The following IGFBP5 variants were observed in gnomAD, a reference collection of about 807,000 sequenced individuals.
IGFBP5 encodes the protein insulin like growth factor binding protein 5.
IGFBP5 carries 12 observed loss-of-function variants against 28.0 expected under a neutral mutation model. That is an observed-to-expected ratio of 0.43 (90% CI 0.27 to 0.69). The LOEUF (loss-of-function observed/expected upper bound fraction) is 0.69. Among genes scored for constraint, IGFBP5 ranks in the 30% least tolerant of loss-of-function variants. IGFBP5 has a pLI of 0.20. For missense variants in IGFBP5, 344 were observed against 381.6 expected, an observed-to-expected ratio of 0.90 and a Z score of 0.82; for synonymous variants, 152 against 150.2, an observed-to-expected ratio of 1.01 and a Z score of -0.09.
rs11575191 is a variant in IGFBP5 at position 216,679,806 on chromosome 2, C to T, written c.338-727G>A. 4.6e-5 allele frequency among the ~76,000 whole-genome samples: 7 copies of T among 152,022 alleles called. No individual in the cohort carries two copies. The highest frequency in any genetic ancestry group is 1.9e-4 in the East Asian group (1 of 5,166). On this transcript the variant is annotated intron_variant, in intron 1 of 3. Coordinates refer to ENST00000233813, the MANE Select transcript of IGFBP5 (RefSeq NM_000599.4). The surrounding 1 kb of genome is among the most constrained non-coding windows in gnomAD (Gnocchi z 4.6). ...CTCCTGCTCTGGCTCAGAACTGGCG[C>T]GGTGCTCGGGGGCCTGGGAGGCTGG... is the stretch of plus-strand genomic sequence containing the variant.
intron 1 of IGFBP5, among the ~76,000 whole-genome samples, chr2:216,686,997 T>C (rs1028902126): frequency 4.6e-5 from 7 of 152,178 alleles, no homozygotes; most frequent in African/African-American, 7.2e-5. Context: ...GCATGCTAAT[T>C]CACTCTCAGA....
rs1040449822 is a variant in IGFBP5 at position 216,673,075 on chromosome 2, C to T, written c.*3676G>A. The T allele has an allele frequency of 5.2e-5, 8 of 152,514 alleles. No individual in the cohort carries two copies. The highest frequency in any genetic ancestry group is 1.4e-4 in the African/African-American group (6 of 41,466). 9.4% of individuals were successfully genotyped at this position (152,514 alleles called of 1,614,324 possible). A position where few individuals can be genotyped will look rare whatever the true frequency, so the allele number is the denominator to read the frequency against. On this transcript the variant is annotated 3_prime_UTR_variant, in exon 4 of 4. Transcript: ENST00000233813. This position sits in a 1 kb window ranked among gnomAD's most constrained non-coding sequence, Gnocchi z 4.3. The stretch of plus-strand genomic sequence containing the variant: ...TCCTTAGAGCTCTTCTCTGAGGTTC[C>T]CATTCTGGGCCGGAGCCCTCTCAGG...
At chr2:216,689,431 T>C (rs925227097) in intron 1 of IGFBP5, among the ~76,000 whole-genome samples, 2 of 152,128 alleles carry the variant, frequency 1.3e-5, no homozygotes, top group East Asian at 3.9e-4. Context: ...AATAAGAGAG[T>C]GTGGCCCTCT....
At chr2:216,686,649 G>T (rs566148789) in intron 1 of IGFBP5, among the ~76,000 whole-genome samples, 97 of 146,564 alleles carry the variant, frequency 6.6e-4, no homozygotes, top group African/African-American at 2.4e-3. Context: ...CCTTGGTACA[G>T]ATTTACTTTG....
At position 216,676,470 on chromosome 2, in the gene IGFBP5, G is replaced by A. The variant is rs534378733; in HGVS notation, c.*281C>T. ...CACTTCCTTCCCTTCTCTTCCTCTC[G>A]TTCTTCCTCTCTTCCCTTCTCTGTT... On this transcript the variant is annotated 3_prime_UTR_variant, in exon 4 of 4. Transcript: ENST00000233813. 10 of 220,682 alleles carry A rather than the reference G, an allele frequency of 4.5e-5. No individual in the cohort carries two copies. Among genetic ancestry groups the A allele is most frequent in the Admixed American group, 1.2e-4 (2 of 17,076 alleles). The allele number at this position is 220,682 out of a possible 1,614,324, so 13.7% of individuals were successfully genotyped here.
At position 216,686,986 on chromosome 2, in the gene IGFBP5, T is replaced by C. The variant is rs149031056; in HGVS notation, c.337+7453A>G. ...ATATTCTGAGGATTAATCAGGGTGA[T>C]GCATGCTAATTCACTCTCAGAACAG... On this transcript the variant is annotated intron_variant, in intron 1 of 3. Transcript: ENST00000233813. Among the ~76,000 whole-genome samples the C allele has an allele frequency of 3.0e-3, 452 of 152,304 alleles. 1 individual carries two copies. Among genetic ancestry groups the C allele is most frequent in the Non-Finnish European group, 4.4e-3 (301 of 68,036 alleles).
Position 216,692,542 on chromosome 2 carries a change from T to G in IGFBP5, c.337+1897A>C, listed in dbSNP as rs1472496935. Among the ~76,000 whole-genome samples, 1 of 152,122 alleles carries G rather than the reference T, an allele frequency of 6.6e-6. No homozygotes were observed. The highest frequency in any genetic ancestry group is 1.5e-5 in the Non-Finnish European group (1 of 68,020). On this transcript the variant is annotated intron_variant, in intron 1 of 3. Transcript: ENST00000233813. This position sits in a 1 kb window ranked among gnomAD's most constrained non-coding sequence, Gnocchi z 4.2. ...CGGCTGAGTGACACCTTACGTTCTT[T>G]CGGTGTGACTGGATTGTTACCCAGG...
At chr2:216,686,813 T>C (rs1689039287) in intron 1 of IGFBP5, among the ~76,000 whole-genome samples, 1 of 151,774 alleles carries the variant, frequency 6.6e-6, no homozygotes, top group African/African-American at 2.4e-5. Context: ...ACTAAAGGCA[T>C]GCAGCACCAC....
In IGFBP5 at chr2:216,678,991, G is replaced by A; in HGVS notation, c.426C>T (p.Thr142=). Residue 142 remains threonine, a synonymous_variant, in exon 2 of 4, where the codon ACC becomes ACT. Coordinates refer to ENST00000233813, the MANE Select transcript of IGFBP5 (RefSeq NM_000599.4). The part of the protein sequence containing the change: ...YSPKIFRPKH[T]RISELKAEAV... ...CTTCAGCCTTCAGCTCGGAGATGCG[G>A]GTGTGTTTGGGCCGGAAGATCTTGG... The A allele has an allele frequency of 1.2e-6, 2 of 1,614,130 alleles. No homozygotes were observed. Among genetic ancestry groups the A allele is most frequent in the Non-Finnish European group, 1.7e-6 (2 of 1,180,022 alleles).
rs11575125 is a variant in IGFBP5 at position 216,694,180 on chromosome 2, A to T, written c.337+259T>A. On this transcript the variant is annotated intron_variant, in intron 1 of 3. Coordinates refer to ENST00000233813, the MANE Select transcript of IGFBP5 (RefSeq NM_000599.4). This position sits in a 1 kb window ranked among gnomAD's most constrained non-coding sequence, Gnocchi z 5.2. Reference sequence around the variant, plus strand: ...AAGAGCTCAGAATCAGTATTCGGACAGAGTAGGGGGAGGGGGCGGGCAACG... The same window carrying T: ...AAGAGCTCAGAATCAGTATTCGGACTGAGTAGGGGGAGGGGGCGGGCAACG... Among the ~76,000 whole-genome samples the T allele has an allele frequency of 2.7e-4, 41 of 150,728 alleles. No individual in the cohort carries two copies. The highest frequency in any genetic ancestry group is 9.2e-4 in the African/African-American group (38 of 41,224).
chr2:216,677,484 G>A (rs759890358), intron 3 of IGFBP5, among the ~76,000 whole-genome samples: 5 of 152,206 alleles, frequency 3.3e-5, no homozygotes, highest in Non-Finnish European at 5.9e-5. Flanking sequence ...AGGGTCTGGA[G>A]GCACAGAGAC....
intron 1 of IGFBP5, among the ~76,000 whole-genome samples, chr2:216,691,313 C>T (rs77703225): frequency 1.4e-3 from 216 of 152,354 alleles, no homozygotes; most frequent in Non-Finnish European, 2.7e-3. Flanking sequence ...CGGCTCCCTA[C>T]ATCTTAAACT....
intron 1 of IGFBP5, among the ~76,000 whole-genome samples, chr2:216,681,587 C>T (rs1191521365): frequency 6.6e-6 from 1 of 152,180 alleles, no homozygotes; most frequent in East Asian, 1.9e-4. Context: ...TTTAGTCCAT[C>T]CCCCTGTGTC....
At chr2:216,691,836 CGT>C (rs56040272) in intron 1 of IGFBP5, among the ~76,000 whole-genome samples, 8,882 of 121,052 alleles carry the variant, frequency 0.073, 585 homozygotes, top group African/African-American at 0.18. Flanking sequence ...TATAATATGT[CGT>C]GTGTGTGTGT....
In IGFBP5 at chr2:216,694,826, G is replaced by A. The variant is rs1689149319; in HGVS notation, c.-51C>T. On this transcript the variant is annotated 5_prime_UTR_variant, in exon 1 of 4. Coordinates refer to ENST00000233813, the MANE Select transcript of IGFBP5 (RefSeq NM_000599.4). The surrounding 1 kb of genome is among the most constrained non-coding windows in gnomAD (Gnocchi z 5.2). ...CGGGGTGGGGCAGGAGAGCGAGAGTGCAGGGATAAAGGGGCCAAGAGGGCC... is the reference window on the plus strand; with the variant it reads ...CGGGGTGGGGCAGGAGAGCGAGAGTACAGGGATAAAGGGGCCAAGAGGGCC... 7 of 1,282,220 alleles carry A rather than the reference G, an allele frequency of 5.5e-6. No homozygotes were observed. 79.4% of individuals were successfully genotyped at this position (1,282,220 alleles called of 1,614,324 possible).
At chr2:216,681,376 G>A (rs549813113) in intron 1 of IGFBP5, among the ~76,000 whole-genome samples, 1 of 152,156 alleles carries the variant, frequency 6.6e-6, no homozygotes, top group Non-Finnish European at 1.5e-5. Flanking sequence ...AATCAAGATT[G>A]TAACTGGATA....
chr2:216,685,713 T>C (rs969422129), intron 1 of IGFBP5, among the ~76,000 whole-genome samples: 1 of 152,112 alleles, frequency 6.6e-6, no homozygotes, highest in Non-Finnish European at 1.5e-5. Context: ...TTTTCTGCGC[T>C]TGTGTGTGTG....
At position 216,678,221 on chromosome 2, in the gene IGFBP5, C is replaced by T. The variant is rs755706987; in HGVS notation, c.578G>A (p.Arg193His). ...CTGCAGGGAAGCCTCCATGTGTCTG[C>T]GGCAGGGGCCCTGTGTGGACAGGAG... ...MRQESEQGPC[R>H]RHMEASLQEL... is the part of the protein sequence containing the mutation. Residue 193 changes from arginine to histidine, a missense_variant, in exon 3 of 4, where the codon CGC becomes CAC. By Grantham distance (29) the Arg-to-His change is conservative (BLOSUM62 0). Transcript: ENST00000233813. 12 of 1,573,508 alleles carry T rather than the reference C, an allele frequency of 7.6e-6. No homozygotes were observed. The highest frequency in any genetic ancestry group is 4.1e-5 in the African/African-American group (3 of 73,676).
In IGFBP5 at chr2:216,675,017, A is replaced by G. The variant is rs535710310; in HGVS notation, c.*1734T>C. On this transcript the variant is annotated 3_prime_UTR_variant, in exon 4 of 4. Transcript: ENST00000233813. ...GGATTAAGCTCATTTCTATTTTGCA[A>G]CCCATTCCCCCATTTTCCTCTCTTT... 1 of 152,262 alleles carries G rather than the reference A, an allele frequency of 6.6e-6. No homozygotes were observed. Among genetic ancestry groups the G allele is most frequent in the East Asian group, 1.9e-4 (1 of 5,170 alleles). 9.4% of individuals were successfully genotyped at this position (152,262 alleles called of 1,614,324 possible).
Sources: gnomAD v4.1 joint callset for allele counts (sites outside exome capture counted in the v4.1 genomes callset) on GRCh38, gnomAD v4.1.1 for gene constraint, Gnocchi (gnomAD v3.1) non-coding constraint, MANE v1.5 for transcripts, NCBI Gene and HGNC (gene_info 2026-07-23, HGNC 2026-07-21) for gene names.